Variants in LSM14A observed in about 807,000 individuals in gnomAD.
LSM14A encodes LSM14A mRNA processing body assembly factor.
Under a neutral mutation model 52.4 loss-of-function variants are expected in LSM14A, and 14 were observed. That is an observed-to-expected ratio of 0.27 (90% confidence interval 0.18 to 0.42). The LOEUF is 0.42. Among genes scored for constraint, LSM14A ranks in the 10% least tolerant of loss-of-function variants. LSM14A has a pLI of 1.00. For synonymous variants in LSM14A, 185 were observed against 200.3 expected (o/e 0.92, Z 0.64); for missense variants, 417 against 581.8 (o/e 0.72, Z 2.91).
rs545590684 is a variant in LSM14A at position 34,219,664 on chromosome 19, A to G, written c.965-42A>G. 9 of 1,583,490 alleles carry G rather than the reference A, an allele frequency of 5.7e-6. No individual in the cohort carries two copies. In the South Asian group the frequency reaches 1.0e-4, roughly 18 times the overall value. Reference sequence around the variant, plus strand: ...GATTAGGTGTTTTTATGTAATTCAGATTAGCTGTCTTGACTTTTCTGATAT... The same window carrying G: ...GATTAGGTGTTTTTATGTAATTCAGGTTAGCTGTCTTGACTTTTCTGATAT... On this transcript the variant is annotated intron_variant, in intron 7 of 9. Coordinates refer to ENST00000544216, the MANE Select transcript of LSM14A (RefSeq NM_015578.4).
intron 3 of LSM14A, chr19:34,208,159 ATGT>A: frequency 6.6e-6 from 1 of 152,342 alleles, no homozygotes; most frequent in Middle Eastern, 3.4e-3. Flanking sequence ...AAGCACGATA[ATGT>A]TATTACATTT....
chr19:34,215,053 A>T, intron 4 of LSM14A, 71 bp from the exon 5 acceptor site: 1 of 1,313,806 alleles, frequency 7.6e-7, no homozygotes, highest in Non-Finnish European at 1.0e-6. Flanking sequence ...ACTCTGGACA[A>T]TTTTTTTTAG....
intron 3 of LSM14A, among the ~76,000 whole-genome samples, chr19:34,200,241 G>A (rs1194868340): frequency 1.3e-5 from 2 of 152,300 alleles, no homozygotes; most frequent in East Asian, 3.9e-4. Context: ...GCTTTAGGCT[G>A]GCAAAGACTG....
intron 6 of LSM14A, 69 bp from the exon 7 acceptor site, chr19:34,219,322 T>C (rs1210728313): frequency 2.9e-6 from 3 of 1,023,094 alleles, no homozygotes; most frequent in Non-Finnish European, 4.3e-6. Flanking sequence ...AAGAGCACAA[T>C]AGCAACATCT....
At chr19:34,172,992 G>C (rs1264830628) in intron 1 of LSM14A, among the ~76,000 whole-genome samples, 1 of 152,230 alleles carries the variant, frequency 6.6e-6, no homozygotes, top group African/African-American at 2.4e-5. Flanking sequence ...GGAACTACGG[G>C]ACTGAGTGCG....
intron 4 of LSM14A, among the ~76,000 whole-genome samples, chr19:34,213,079 A>T (rs891678789): frequency 3.3e-5 from 5 of 152,134 alleles, no homozygotes; most frequent in Non-Finnish European, 7.3e-5. Context: ...GGGTCCCAGG[A>T]GTTAGAAGTT....
intron 3 of LSM14A, among the ~76,000 whole-genome samples, chr19:34,207,385 G>A (rs1308185610): frequency 2.0e-5 from 3 of 152,098 alleles, no homozygotes; most frequent in East Asian, 1.9e-4. Flanking sequence ...TCTTGAAAGC[G>A]CTAGTCCCCA....
chr19:34,211,714 A>G (rs2072168102), intron 4 of LSM14A, among the ~76,000 whole-genome samples: 1 of 151,854 alleles, frequency 6.6e-6, no homozygotes, highest in Non-Finnish European at 1.5e-5. Flanking sequence ...ACTTGAGCCC[A>G]GGAGGCCGAG....
chr19:34,217,078 G>GC (rs2072661637), intron 6 of LSM14A, among the ~76,000 whole-genome samples: 1 of 151,980 alleles, frequency 6.6e-6, no homozygotes, highest in East Asian at 1.9e-4. Context: ...TGGCCATACG[G>GC]TGAAACCCTG....
Position 34,176,183 on chromosome 19 carries a change from A to G in LSM14A, c.121+3420A>G, listed in dbSNP as rs138969866. Among the ~76,000 whole-genome samples the G allele has an allele frequency of 2.8e-3, 423 of 152,268 alleles. 7 individuals carry two copies. The highest frequency in any genetic ancestry group is 9.6e-3 in the African/African-American group (399 of 41,562). On this transcript the variant is annotated intron_variant, in intron 1 of 9. Coordinates refer to ENST00000544216, the MANE Select transcript of LSM14A (RefSeq NM_015578.4). ...AAAGTTTATTCATGGAATTTATAATACAGTGTGTATTTGGATGTAGAGATC... is the reference window on the plus strand; with the variant it reads ...AAAGTTTATTCATGGAATTTATAATGCAGTGTGTATTTGGATGTAGAGATC...
intron 9 of LSM14A, among the ~76,000 whole-genome samples, chr19:34,224,382 G>A (rs1407809065): frequency 1.3e-5 from 2 of 152,144 alleles, no homozygotes; most frequent in African/African-American, 4.8e-5. Context: ...TGCTCCATGT[G>A]GTTACTAATA....
intron 3 of LSM14A, among the ~76,000 whole-genome samples, chr19:34,198,443 A>G (rs1185197952): frequency 2.6e-5 from 4 of 151,628 alleles, no homozygotes; most frequent in East Asian, 3.9e-4. Flanking sequence ...GAGAAACCCC[A>G]TCTCTACTAA....
chr19:34,211,374 T>C (rs566636801), intron 4 of LSM14A, among the ~76,000 whole-genome samples: 2 of 151,852 alleles, frequency 1.3e-5, no homozygotes, highest in African/African-American at 4.8e-5. Flanking sequence ...ATTACAGTAA[T>C]GCAAAATAGA....
chr19:34,178,220 A>G (rs781254397), intron 1 of LSM14A, among the ~76,000 whole-genome samples: 65 of 151,992 alleles, frequency 4.3e-4, no homozygotes, highest in Non-Finnish European at 7.6e-4. Flanking sequence ...AAAATGTTTC[A>G]GTGTGGATAA....
chr19:34,215,065 G>T, intron 4 of LSM14A, 59 bp from the exon 5 acceptor site: 2 of 1,408,694 alleles, frequency 1.4e-6, no homozygotes, highest in Admixed American at 2.3e-5. Flanking sequence ...TTTTTTTAGG[G>T]TCTAGATTAT....
chr19:34,197,431 CTTTTTTTTTTT>C (rs531343486), intron 3 of LSM14A, among the ~76,000 whole-genome samples: 3 of 63,306 alleles, frequency 4.7e-5, no homozygotes, highest in Non-Finnish European at 8.5e-5. Context: ...ATTTCTTTTT[CTTTTTTTTTTT>C]TTTTTTTTTT....
chr19:34,202,059 C>T (rs995949804), intron 3 of LSM14A, among the ~76,000 whole-genome samples: 5 of 150,852 alleles, frequency 3.3e-5, no homozygotes, highest in Non-Finnish European at 1.5e-5. Context: ...TGGGTTCAGT[C>T]TGCCTGCCTC....
chr19:34,181,325 A>G (rs1208981268), intron 1 of LSM14A, among the ~76,000 whole-genome samples: 1 of 152,182 alleles, frequency 6.6e-6, no homozygotes, highest in Non-Finnish European at 1.5e-5. Flanking sequence ...CCTCTTTTCT[A>G]ATGATTACCC....
intron 9 of LSM14A, chr19:34,226,264 C>T: frequency 2.4e-6 from 2 of 825,058 alleles, no homozygotes; most frequent in Non-Finnish European, 3.6e-6. Context: ...TCTGTGTTTC[C>T]TCAGATGGGG....
Sources: gnomAD v4.1 joint callset for allele counts (sites outside exome capture counted in the v4.1 genomes callset) on GRCh38, gnomAD v4.1.1 for gene constraint, MANE v1.5 for transcripts, NCBI Gene and HGNC (gene_info 2026-07-23, HGNC 2026-07-21) for gene names.